GRM8: variants seen among roughly 807,000 people sequenced by gnomAD.
The protein encoded by GRM8 is glutamate metabotropic receptor 8.
Under a neutral mutation model 87.2 loss-of-function variants are expected in GRM8, and 47 were observed. The ratio of observed to expected loss-of-function variants is 0.54; its 90% CI spans 0.43 to 0.69. The LOEUF is 0.69. Among genes scored for constraint, GRM8 ranks in the 30% least tolerant of loss-of-function variants. The pLI, the probability that GRM8 is intolerant of heterozygous loss-of-function variation, is 0.00. For synonymous variants in GRM8, 396 were observed against 404.5 expected (o/e 0.98, Z 0.25); for missense variants, 1,019 against 1,139.2 (o/e 0.89, Z 1.52).
At chr7:127,038,496 A>G (rs899306554) in intron 3 of GRM8, among the ~76,000 whole-genome samples, 1 of 63,200 alleles carries the variant, frequency 1.6e-5, no homozygotes, top group East Asian at 2.4e-4. Flanking sequence ...GATATTTAAG[A>G]TCTAAAGAAC....
At position 127,011,610 on chromosome 7, in the gene GRM8, A is replaced by C. The variant is rs17866429; in HGVS notation, c.727+94886T>G. On this transcript the variant is annotated intron_variant, in intron 3 of 10. Coordinates refer to ENST00000339582, the MANE Select transcript of GRM8 (RefSeq NM_000845.3). Reference sequence around the variant, plus strand: ...CTAAGGAATAGTTGTAGTTTTTTAAAATATGAAAATAGATTGTGATGTTCA... The same window carrying C: ...CTAAGGAATAGTTGTAGTTTTTTAACATATGAAAATAGATTGTGATGTTCA... 2.3e-3 allele frequency among the ~76,000 whole-genome samples: 350 copies of C among 152,320 alleles called. 2 individuals are homozygous for C. Among genetic ancestry groups the C allele is most frequent in the African/African-American group, 8.0e-3 (333 of 41,588 alleles).
At chr7:127,140,968 A>T (rs1276021410) in intron 2 of GRM8, among the ~76,000 whole-genome samples, 1 of 152,090 alleles carries the variant, frequency 6.6e-6, no homozygotes, top group African/African-American at 2.4e-5. Context: ...TATTCTTACC[A>T]GTCCCAACTC....
chr7:126,811,216 C>G (rs1306027918), intron 6 of GRM8, among the ~76,000 whole-genome samples: 1 of 151,942 alleles, frequency 6.6e-6, no homozygotes, highest in Non-Finnish European at 1.5e-5. Flanking sequence ...CTATTCTGTT[C>G]ATTGATCTAT....
At chr7:127,230,133 CCT>C (rs961003334) in intron 2 of GRM8, among the ~76,000 whole-genome samples, 22 of 148,632 alleles carry the variant, frequency 1.5e-4, no homozygotes, top group African/African-American at 5.1e-4. Flanking sequence ...GCAATTCACC[CCT>C]GTTTAGCTGT....
At chr7:127,132,602 A>C (rs1827747442) in intron 2 of GRM8, among the ~76,000 whole-genome samples, 1 of 152,078 alleles carries the variant, frequency 6.6e-6, no homozygotes, top group African/African-American at 2.4e-5. Flanking sequence ...GAAAGTGAGG[A>C]GGAATCTCAC....
chr7:127,243,127 T>C lies in GRM8; in HGVS notation c.78A>G (p.Thr26=), dbSNP rs1372996313. The change falls in exon 2 of 11, where the codon ACA becomes ACG. Residue 26 remains threonine, a synonymous_variant. Transcript: ENST00000339582. ...CCTGGCTGTGAGTTCTTTGCATCAT[T>C]GTGAGGATCCAGTAGAACTTGGCGG... ...LLTAKFYWIL[T]MMQRTHSQEY... 4 of 1,613,862 alleles carry C rather than the reference T, an allele frequency of 2.5e-6. No individual in the cohort carries two copies. In the African/African-American group the frequency reaches 4.0e-5, roughly 16 times the overall value.
At chr7:126,731,662 A>G (rs1325959382) in intron 7 of GRM8, among the ~76,000 whole-genome samples, 7 of 152,104 alleles carry the variant, frequency 4.6e-5, no homozygotes, top group Admixed American at 4.6e-4. Context: ...GAATAAGTCA[A>G]TATTTAGATT....
intron 3 of GRM8, among the ~76,000 whole-genome samples, chr7:127,082,500 A>AT (rs1164326242): frequency 6.6e-6 from 1 of 152,140 alleles, no homozygotes; most frequent in East Asian, 1.9e-4. Context: ...CCACTCAATG[A>AT]TACCAGGAAA....
chr7:127,043,051 A>G (rs931992971), intron 3 of GRM8, among the ~76,000 whole-genome samples: 1 of 152,256 alleles, frequency 6.6e-6, no homozygotes, highest in Admixed American at 6.5e-5. Context: ...AATGCAAATC[A>G]AAACCACAAT....
intron 6 of GRM8, among the ~76,000 whole-genome samples, chr7:126,861,588 C>T (rs1322136419): frequency 6.6e-6 from 1 of 151,586 alleles, no homozygotes; most frequent in Non-Finnish European, 1.5e-5. Flanking sequence ...TTTTTTCTTA[C>T]CTGATGAGAC....
At chr7:126,733,654 G>A (rs981612588) in intron 7 of GRM8, among the ~76,000 whole-genome samples, 1 of 151,786 alleles carries the variant, frequency 6.6e-6, no homozygotes, top group South Asian at 2.1e-4. Flanking sequence ...ATTGATAAAC[G>A]CATTAATAAC....
intron 3 of GRM8, among the ~76,000 whole-genome samples, chr7:127,004,131 T>A (rs1172250183): frequency 6.6e-6 from 1 of 151,730 alleles, no homozygotes; most frequent in African/African-American, 2.4e-5. Flanking sequence ...AGCACTTATT[T>A]AAATAGTGGC....
At chr7:126,469,923 A>T (rs1804963623) in intron 9 of GRM8, among the ~76,000 whole-genome samples, 1 of 152,142 alleles carries the variant, frequency 6.6e-6, no homozygotes, top group African/African-American at 2.4e-5. Context: ...GTCTCGGAAG[A>T]AGACAGGACG....
intron 6 of GRM8, among the ~76,000 whole-genome samples, chr7:126,819,103 G>A (rs1261200202): frequency 6.6e-6 from 1 of 152,098 alleles, no homozygotes; most frequent in African/African-American, 2.4e-5. Flanking sequence ...GCCAGCAATT[G>A]ATCCTTAACT....
chr7:126,755,963 A>G (rs893081794), intron 7 of GRM8, among the ~76,000 whole-genome samples: 1 of 151,998 alleles, frequency 6.6e-6, no homozygotes, highest in Non-Finnish European at 1.5e-5. Flanking sequence ...CTTCAATTCA[A>G]CCTTATTAGT....
At chr7:127,001,773 G>GA (rs1026785213) in intron 3 of GRM8, among the ~76,000 whole-genome samples, 4 of 151,358 alleles carry the variant, frequency 2.6e-5, no homozygotes, top group Non-Finnish European at 5.9e-5. Context: ...CACAAAACTG[G>GA]AAAAAAACCC....
Position 127,232,163 on chromosome 7 carries a change from C to T in GRM8, c.510+10532G>A, listed in dbSNP as rs77578203. Among the ~76,000 whole-genome samples, 749 of 146,500 alleles carry T rather than the reference C, an allele frequency of 5.1e-3. 10 individuals carry two copies. Among genetic ancestry groups the T allele is most frequent in the African/African-American group, 0.018 (716 of 38,934 alleles). ...CTATGCCAGAGCCAATCTAGACCTG[C>T]CATCAGTTCTGTTTCTTCTTTGTGT... On this transcript the variant is annotated intron_variant, in intron 2 of 10. Transcript: ENST00000339582.
intron 7 of GRM8, among the ~76,000 whole-genome samples, chr7:126,703,808 A>G (rs35009695): frequency 0.12 from 18,205 of 152,138 alleles, 1,634 homozygotes; most frequent in East Asian, 0.33. Flanking sequence ...GCAATCCTCC[A>G]GCCTTGGCCC....
chr7:127,213,162 C>T lies in GRM8; in HGVS notation c.510+29533G>A, dbSNP rs181973016. Among the ~76,000 whole-genome samples, 13 of 152,348 alleles carry T rather than the reference C, an allele frequency of 8.5e-5. No individual in the cohort carries two copies. In the East Asian group the frequency reaches 2.1e-3, roughly 25 times the overall value. ...CCACTGTCATGACACAGTCCTCTTACTTCAACTGGCTCACTTCTCCGAATG... is the reference window on the plus strand; with the variant it reads ...CCACTGTCATGACACAGTCCTCTTATTTCAACTGGCTCACTTCTCCGAATG... On this transcript the variant is annotated intron_variant, in intron 2 of 10. Coordinates refer to ENST00000339582, the MANE Select transcript of GRM8 (RefSeq NM_000845.3).
Sources: gnomAD v4.1 joint callset for allele counts (sites outside exome capture counted in the v4.1 genomes callset) on GRCh38, gnomAD v4.1.1 for gene constraint, MANE v1.5 for transcripts, NCBI Gene and HGNC (gene_info 2026-07-23, HGNC 2026-07-21) for gene names.